TRAF3IP2: variants seen among roughly 807,000 people sequenced by gnomAD.
The protein encoded by TRAF3IP2 is E3 ubiquitin ligase TRAF3IP2.
Under a neutral mutation model 57.9 loss-of-function variants are expected in TRAF3IP2, and 35 were observed. The observed-to-expected ratio is 0.60, with a 90% CI of 0.46 to 0.80. TRAF3IP2 has a LOEUF of 0.80. TRAF3IP2 is among the 30% of genes least tolerant of loss of function. The pLI is 0.00. For synonymous variants in TRAF3IP2, 251 were observed against 268.9 expected, an observed-to-expected ratio of 0.93 and a Z score of 0.65; for missense variants, 556 against 706.4, an observed-to-expected ratio of 0.79 and a Z score of 2.41.
chr6:111,591,921 A>C lies in TRAF3IP2; in HGVS notation c.166T>G (p.Ser56Ala). ...TGAGCTTGAGAAAAGTCTCCGGAGG[A>C]ATTGTGAAGCATTGTGGGTGCAGAC... ...SLSAPTMLHN[S>A]SGDFSQAHST... The change falls in exon 2 of 9, where the codon TCC becomes GCC. Residue 56 changes from serine (S) to alanine (A), a missense_variant. Physicochemically the swap from Ser to Ala is moderately conservative, Grantham distance 99. This residue lies in a region of TRAF3IP2 where 428 missense variants were observed against 498.7 expected (regional missense o/e 0.86). Transcript: ENST00000368761. This position sits in a 1 kb window ranked among gnomAD's most constrained non-coding sequence, Gnocchi z 4.9. 6.2e-7 allele frequency: 1 copy of C among 1,614,166 alleles called. No homozygotes were observed. The highest frequency in any genetic ancestry group is 8.5e-7 in the Non-Finnish European group (1 of 1,180,038).
intron 6 of TRAF3IP2, chr6:111,566,859 G>A (rs148682349): frequency 4.9e-6 from 2 of 410,302 alleles, no homozygotes; most frequent in South Asian, 2.2e-5. Flanking sequence ...GAGTGAGTCT[G>A]TGTCGTGGCA....
chr6:111,590,032 C>T (rs1166108542), intron 2 of TRAF3IP2, among the ~76,000 whole-genome samples: 1 of 152,090 alleles, frequency 6.6e-6, no homozygotes, highest in Non-Finnish European at 1.5e-5. Context: ...CTGTAAAGCC[C>T]TTTTGTTATT....
rs1267280906 is a variant in TRAF3IP2, at chr6:111,575,742, G to C, written c.1102C>G (p.Gln368Glu). 1 of 1,612,636 alleles carries C rather than the reference G, an allele frequency of 6.2e-7. No individual in the cohort carries two copies. The highest frequency in any genetic ancestry group is 1.1e-5 in the South Asian group (1 of 90,928). ...SLECPAELRP[Q>E]VPQPPSPAAV... is the part of the protein sequence containing the mutation. The stretch of plus-strand genomic sequence containing the variant: ...GCTGGGGACGGAGGCTGGGGAACCT[G>C]TGGTCTCAGCTCTGCAGGGCACTCC... Residue 368 changes from glutamine to glutamate, a missense_variant, in exon 4 of 9, where the codon CAG becomes GAG. By Grantham distance (29) the Gln-to-Glu change is conservative. Transcript: ENST00000368761.
intron 2 of TRAF3IP2, among the ~76,000 whole-genome samples, chr6:111,582,561 G>A (rs987020488): frequency 1.3e-5 from 2 of 152,098 alleles, no homozygotes; most frequent in African/African-American, 2.4e-5. Context: ...AGGGCAGGGC[G>A]GATATATTCC....
rs113154044 is a variant in TRAF3IP2, at chr6:111,587,694, T to C, written c.829+3564A>G. Among the ~76,000 whole-genome samples, 341 of 152,294 alleles carry C rather than the reference T, an allele frequency of 2.2e-3. 2 individuals carry two copies. The highest frequency in any genetic ancestry group is 7.8e-3 in the African/African-American group (326 of 41,560). On this transcript the variant is annotated intron_variant, in intron 2 of 8. Coordinates refer to ENST00000368761, the MANE Select transcript of TRAF3IP2 (RefSeq NM_147686.4). ...CTTAATATGTATATATAAACCTATA[T>C]AGTTTTTAAAAAATAAACATGGATG...
At position 111,591,589 on chromosome 6, in the gene TRAF3IP2, G is replaced by A. The variant is rs1385368284; in HGVS notation, c.498C>T (p.Ala166=). The change falls in exon 2 of 9, where the codon GCC becomes GCT. Residue 166 remains alanine (A), a synonymous_variant. Transcript: ENST00000368761. This position sits in a 1 kb window ranked among gnomAD's most constrained non-coding sequence, Gnocchi z 4.9. ...SDKSDQSLPN[A]SADSLGGSQE... ...GGCTACCGCCCAAGGAGTCTGCTGA[G>A]GCATTAGGTAAACTTTGGTCTGATT... 2 of 1,614,242 alleles carry A rather than the reference G, an allele frequency of 1.2e-6. No individual in the cohort carries two copies. The highest frequency in any genetic ancestry group is 2.2e-5 in the East Asian group (1 of 44,884).
At chr6:111,583,683 T>C (rs935739315) in intron 2 of TRAF3IP2, among the ~76,000 whole-genome samples, 2 of 152,220 alleles carry the variant, frequency 1.3e-5, no homozygotes, top group African/African-American at 4.8e-5. Flanking sequence ...TATTTCATTA[T>C]ATATTACAAT....
At chr6:111,601,458 C>A in intron 1 of TRAF3IP2, 1 of 402,274 alleles carries the variant, frequency 2.5e-6, no homozygotes, top group Non-Finnish European at 4.5e-6. Flanking sequence ...GAGCTATCTT[C>A]CAGGGGACAA....
Position 111,573,001 on chromosome 6 carries a change from CA to C in TRAF3IP2, c.1202-19del, listed in dbSNP as rs1380493250. 6.4e-7 allele frequency: 1 copy of C among 1,567,274 alleles called. No homozygotes were observed. Reference sequence around the variant, plus strand: ...GACTTTCCCTAAGAGAAAATTTTTACATTTATTAGAAACTGATCAAATTATT... The same window carrying C: ...GACTTTCCCTAAGAGAAAATTTTTACTTTATTAGAAACTGATCAAATTATT... On this transcript the variant is annotated intron_variant, in intron 4 of 8. Transcript: ENST00000368761.
chr6:111,559,558 G>C lies in TRAF3IP2; in HGVS notation c.1552-7C>G. On this transcript the variant is annotated splice_region_variant and splice_polypyrimidine_tract_variant and intron_variant, in intron 8 of 8. Transcript: ENST00000368761. The stretch of plus-strand genomic sequence containing the variant: ...GCCAGGTGGGCACATGCTCCTATGG[G>C]AGGCAGAATGACAGGAGCAAAGGTC... 6.2e-7 allele frequency: 1 copy of C among 1,613,772 alleles called. No homozygotes were observed. The highest frequency in any genetic ancestry group is 8.5e-7 in the Non-Finnish European group (1 of 1,179,906).
chr6:111,590,541 G>C (rs1013940286), intron 2 of TRAF3IP2, among the ~76,000 whole-genome samples: 3 of 152,116 alleles, frequency 2.0e-5, no homozygotes, highest in Non-Finnish European at 4.4e-5. Context: ...ATTAGATCTC[G>C]ATAAAGCAGT....
rs1187913397 is a variant in TRAF3IP2 at position 111,559,026 on chromosome 6, C to T, written c.*379G>A. 1 of 175,352 alleles carries T rather than the reference C, an allele frequency of 5.7e-6. No individual in the cohort carries two copies. 10.9% of individuals were successfully genotyped at this position (175,352 alleles called of 1,614,324 possible). ...GCATCTGGCTAACTCATAAAAGTAG[C>T]CTGAAGTGATTGATAGGAGAGTGTT... is the stretch of plus-strand genomic sequence containing the variant. On this transcript the variant is annotated 3_prime_UTR_variant, in exon 9 of 9. Coordinates refer to ENST00000368761, the MANE Select transcript of TRAF3IP2 (RefSeq NM_147686.4).
intron 3 of TRAF3IP2, among the ~76,000 whole-genome samples, chr6:111,577,538 G>A (rs940430333): frequency 1.3e-5 from 2 of 151,948 alleles, no homozygotes; most frequent in Non-Finnish European, 2.9e-5. Context: ...ACAGGCATGA[G>A]CCACCACACC....
At chr6:111,580,879 A>C (rs1341965024) in intron 2 of TRAF3IP2, among the ~76,000 whole-genome samples, 1 of 149,968 alleles carries the variant, frequency 6.7e-6, no homozygotes, top group Non-Finnish European at 1.5e-5. Context: ...CACACACCCC[A>C]CTCTCCTCTT....
Position 111,555,930 on chromosome 6 carries a change from C to T in TRAF3IP2, c.*3475G>A, listed in dbSNP as rs548947749. ...CATCCTGGCTAACACGGTGAAACCC[C>T]GTCTCTACTAAAAATACAAAAAATT... On this transcript the variant is annotated 3_prime_UTR_variant, in exon 9 of 9. Transcript: ENST00000368761. 1.1e-4 allele frequency among the ~76,000 whole-genome samples: 16 copies of T among 151,960 alleles called. No homozygotes were observed. Among genetic ancestry groups the T allele is most frequent in the African/African-American group, 3.1e-4 (13 of 41,436 alleles).
chr6:111,567,154 G>A (rs1297487835), intron 6 of TRAF3IP2: 1 of 996,720 alleles, frequency 1.0e-6, no homozygotes, highest in African/African-American at 1.7e-5. Flanking sequence ...AGCACAACGT[G>A]TCCCAGTGGC....
intron 1 of TRAF3IP2, chr6:111,597,858 C>T (rs1270942628): frequency 1.1e-5 from 5 of 455,822 alleles, no homozygotes; most frequent in Non-Finnish European, 2.2e-5. Flanking sequence ...TATTTACGTG[C>T]TTGTAACTCT....
At chr6:111,573,116 A>G (rs2128374436) in intron 4 of TRAF3IP2, 133 bp from the exon 5 acceptor site, 1 of 693,986 alleles carries the variant, frequency 1.4e-6, no homozygotes, top group Middle Eastern at 4.1e-4. Flanking sequence ...GTGCTCTAAG[A>G]GCTTATGCCT....
At chr6:111,588,942 T>A (rs181382030) in intron 2 of TRAF3IP2, among the ~76,000 whole-genome samples, 2 of 152,290 alleles carry the variant, frequency 1.3e-5, no homozygotes, top group Admixed American at 1.3e-4. Context: ...AAAATTGATA[T>A]GTCAAAACCC....
Sources: gnomAD v4.1 joint callset for allele counts (sites outside exome capture counted in the v4.1 genomes callset) on GRCh38, gnomAD v4.1.1 for gene constraint, gnomAD v4.1.1 regional missense constraint, Gnocchi (gnomAD v3.1) non-coding constraint, MANE v1.5 for transcripts, NCBI Gene and HGNC (gene_info 2026-07-23, HGNC 2026-07-21) for gene names.